SLC8B1: variants seen among roughly 807,000 people sequenced by gnomAD.
The protein encoded by SLC8B1 is mitochondrial sodium/calcium exchanger protein.
SLC8B1 carries 52 observed loss-of-function variants against 63.4 expected under a neutral mutation model. That is an observed-to-expected ratio of 0.82 (90% confidence interval 0.66 to 1.03). The LOEUF (loss-of-function observed/expected upper bound fraction) is 1.03. SLC8B1 is among the 50% of genes least tolerant of loss of function. The pLI, the probability that SLC8B1 is intolerant of heterozygous loss-of-function variation, is 0.00. For synonymous variants in SLC8B1, 336 were observed against 323.9 expected (o/e 1.04, Z -0.40); for missense variants, 657 against 741.7 (o/e 0.89, Z 1.33).
chr12:113,332,384 G>GCC (rs1194081936), intron 2 of SLC8B1, among the ~76,000 whole-genome samples: 1 of 152,158 alleles, frequency 6.6e-6, no homozygotes, highest in African/African-American at 2.4e-5. Flanking sequence ...CAATTCTCCT[G>GCC]CCTCAGGGTT....
At chr12:113,306,379 A>G in intron 14 of SLC8B1, 116 bp downstream of exon 14, 1 of 834,574 alleles carries the variant, frequency 1.2e-6, no homozygotes, top group African/African-American at 1.7e-5. Flanking sequence ...TCAGGCAGCC[A>G]CATTACCTGC....
intron 15 of SLC8B1, among the ~76,000 whole-genome samples, chr12:113,303,142 C>A (rs754156528): frequency 1.0e-5 from 1 of 95,692 alleles, no homozygotes; most frequent in African/African-American, 5.4e-5. Context: ...CACACACACA[C>A]GCGCGCGCAC....
At chr12:113,318,926 C>T (rs1400652532) in intron 8 of SLC8B1, 38 bp downstream of exon 8, 1 of 1,549,834 alleles carries the variant, frequency 6.5e-7, no homozygotes, top group Non-Finnish European at 8.9e-7. Flanking sequence ...GCCCCCAGTC[C>T]CCACTGGTCC....
intron 2 of SLC8B1, among the ~76,000 whole-genome samples, chr12:113,329,287 G>T (rs1018328761): frequency 6.6e-6 from 1 of 152,144 alleles, no homozygotes; most frequent in African/African-American, 2.4e-5. Context: ...ACTGAGAAGT[G>T]GCTCCAAACT....
chr12:113,334,719 T>G lies in SLC8B1; in HGVS notation c.-359A>C, dbSNP rs1266243873. On this transcript the variant is annotated 5_prime_UTR_variant, in exon 1 of 16. Transcript: ENST00000680972. Reference sequence around the variant, plus strand: ...CCCTGATGTCCCCAACACCTGAAGATCAGCATGCGTCTCGTCTCTCTTTGC... The same window carrying G: ...CCCTGATGTCCCCAACACCTGAAGAGCAGCATGCGTCTCGTCTCTCTTTGC... The G allele has an allele frequency of 6.6e-6, 1 of 152,234 alleles. No homozygotes were observed. Among genetic ancestry groups the G allele is most frequent in the Non-Finnish European group, 1.5e-5 (1 of 68,046 alleles). 9.4% of individuals were successfully genotyped at this position (152,234 alleles called of 1,614,324 possible). A position where few individuals can be genotyped will look rare whatever the true frequency, so the allele number is the denominator to read the frequency against.
Position 113,320,552 on chromosome 12 carries a change from C to G in SLC8B1, c.526+29G>C. ...CCCTGCACCCTCTCCTGCTGCTTTC[C>G]CCGCCCCCCTCACTGGGGCTGCTCT... On this transcript the variant is annotated intron_variant, in intron 6 of 15. Transcript: ENST00000680972. The surrounding 1 kb of genome is among the most constrained non-coding windows in gnomAD (Gnocchi z 5.3). The G allele has an allele frequency of 6.2e-7, 1 of 1,613,940 alleles. No individual in the cohort carries two copies. Among genetic ancestry groups the G allele is most frequent in the Middle Eastern group, 1.6e-4 (1 of 6,062 alleles).
Position 113,320,459 on chromosome 12 carries a change from A to T in SLC8B1, c.566T>A (p.Ile189Asn). The change falls in exon 7 of 16, where the codon ATT becomes AAT. Residue 189 changes from isoleucine (I) to asparagine (N), a missense_variant. By Grantham distance (149) the Ile-to-Asn change is moderately radical. Transcript: ENST00000680972. This position sits in a 1 kb window ranked among gnomAD's most constrained non-coding sequence, Gnocchi z 5.3. ...VLVTTVVAGG[I>N]TILHPFMAAS... ...AGCCATGAAGGGGTGTAGGATGGTA[A>T]TGCCTCCGGCCACCACTGTGGTAAC... 1 of 1,614,126 alleles carries T rather than the reference A, an allele frequency of 6.2e-7. No homozygotes were observed. Among genetic ancestry groups the T allele is most frequent in the Middle Eastern group, 1.6e-4 (1 of 6,062 alleles).
At chr12:113,332,655 T>C in intron 2 of SLC8B1, 68 bp downstream of exon 2, 1 of 1,516,040 alleles carries the variant, frequency 6.6e-7, no homozygotes, top group South Asian at 1.3e-5. Flanking sequence ...TAGTAGATGC[T>C]CAATAGATAT....
chr12:113,317,232 C>T (rs1322694693), intron 8 of SLC8B1, among the ~76,000 whole-genome samples: 1 of 152,078 alleles, frequency 6.6e-6, no homozygotes, highest in Non-Finnish European at 1.5e-5. Flanking sequence ...CCCTCCCTCC[C>T]GAGTAGCTGA....
At chr12:113,315,536 C>T in intron 10 of SLC8B1, 60 bp from the exon 11 acceptor site, 1 of 1,481,300 alleles carries the variant, frequency 6.8e-7, no homozygotes, top group Non-Finnish European at 9.0e-7. Context: ...CAGCCGGCCA[C>T]AGATGGACTT....
intron 2 of SLC8B1, among the ~76,000 whole-genome samples, chr12:113,322,744 C>T (rs1259911986): frequency 1.3e-5 from 2 of 152,004 alleles, no homozygotes; most frequent in East Asian, 1.9e-4. Context: ...CTCAGGAGTT[C>T]GAGACCAGCC....
intron 2 of SLC8B1, among the ~76,000 whole-genome samples, chr12:113,328,833 C>A (rs999538619): frequency 2.0e-5 from 3 of 151,528 alleles, no homozygotes; most frequent in African/African-American, 4.9e-5. Flanking sequence ...CTCACTGCAA[C>A]CTCCATCTCA....
In SLC8B1 at chr12:113,305,161, G is replaced by A. The variant is rs534524565; in HGVS notation, c.1493-776C>T. On this transcript the variant is annotated intron_variant, in intron 14 of 15. Coordinates refer to ENST00000680972, the MANE Select transcript of SLC8B1 (RefSeq NM_001358345.2). The surrounding 1 kb of genome is among the most constrained non-coding windows in gnomAD (Gnocchi z 4.3). The stretch of plus-strand genomic sequence containing the variant: ...GTCCCTAGAGGGAACTGGTGATAGT[G>A]TGTGGGCCGAGGCCATCTCTAGGGG... 6.6e-6 allele frequency among the ~76,000 whole-genome samples: 1 copy of A among 152,362 alleles called. No homozygotes were observed. Among genetic ancestry groups the A allele is most frequent in the East Asian group, 1.9e-4 (1 of 5,182 alleles).
intron 2 of SLC8B1, among the ~76,000 whole-genome samples, chr12:113,324,715 T>C (rs577889438): frequency 3.7e-4 from 56 of 150,506 alleles, no homozygotes; most frequent in African/African-American, 1.3e-3. Flanking sequence ...CCCCTTTTTT[T>C]TCCTTTGAGA....
intron 13 of SLC8B1, among the ~76,000 whole-genome samples, chr12:113,307,132 A>C (rs1386553447): frequency 2.1e-5 from 3 of 143,484 alleles, no homozygotes; most frequent in East Asian, 3.9e-4. Context: ...AAAAAAAAAA[A>C]AAAAAAAAAA....
At chr12:113,313,360 G>A (rs1956788520) in intron 11 of SLC8B1, among the ~76,000 whole-genome samples, 1 of 151,438 alleles carries the variant, frequency 6.6e-6, no homozygotes, top group South Asian at 2.1e-4. Context: ...GCTGGGTACA[G>A]TAGTGCATGC....
intron 15 of SLC8B1, 107 bp from the exon 16 acceptor site, chr12:113,300,081 ACAATGCAGCCTCAG>A: frequency 3.5e-6 from 3 of 854,068 alleles, no homozygotes; most frequent in Non-Finnish European, 5.3e-6. Flanking sequence ...AGCCTCAACA[ACAATGCAGCCTCAG>A]CAACAATGCA....
intron 4 of SLC8B1, 49 bp downstream of exon 4, chr12:113,321,007 A>G: frequency 6.3e-7 from 1 of 1,597,934 alleles, no homozygotes; most frequent in Non-Finnish European, 8.5e-7. Context: ...GCCTCCTGGG[A>G]CCCCTCCTCC....
At chr12:113,321,574 C>T (rs1349373119) in intron 2 of SLC8B1, among the ~76,000 whole-genome samples, 3 of 152,060 alleles carry the variant, frequency 2.0e-5, no homozygotes, top group Non-Finnish European at 4.4e-5. Context: ...AAAACCAATA[C>T]ATAAGATTTC....
Sources: allele counts gnomAD v4.1 joint callset (sites outside exome capture counted in the v4.1 genomes callset), GRCh38; gene constraint gnomAD v4.1.1; non-coding constraint Gnocchi (gnomAD v3.1); transcripts MANE v1.5; gene names NCBI Gene and HGNC (gene_info 2026-07-23, HGNC 2026-07-21).